Variants in ANXA8 observed in about 807,000 individuals in gnomAD.
The protein encoded by ANXA8 is annexin A8.
In ANXA8, 9 loss-of-function variants were observed where a neutral mutation model predicts 26.8. That is an observed-to-expected ratio of 0.34 (90% CI 0.20 to 0.59). The LOEUF (loss-of-function observed/expected upper bound fraction) is 0.59, where lower values mean the gene tolerates loss of function less well. Among genes scored for constraint, ANXA8 ranks in the 20% least tolerant of loss-of-function variants. The probability of loss-of-function intolerance (pLI) is 0.84; values close to 1 mark genes in which losing one functional copy is unlikely to be tolerated. For synonymous variants in ANXA8, 39 were observed against 94.8 expected, an observed-to-expected ratio of 0.41 and a Z score of 3.42; for missense variants, 83 against 238.5, an observed-to-expected ratio of 0.35 and a Z score of 4.29.
At chr10:47,986,631 G>T in the ANXA8 span, 1 of 365,988 alleles carries the variant, frequency 2.7e-6, no homozygotes, top group South Asian at 2.0e-5. Context: ...GAAACAGACT[G>T]CTCAGCTGTT....
the ANXA8 span, among the ~76,000 whole-genome samples, chr10:47,617,411 T>C: frequency 1.7e-3 from 242 of 141,214 alleles, no homozygotes; most frequent in African/African-American, 6.3e-3. Context: ...ACGACTTTTC[T>C]TATGTGTGCT....
At chr10:47,559,417 C>G in the ANXA8 span, among the ~76,000 whole-genome samples, 4 of 151,744 alleles carry the variant, frequency 2.6e-5, no homozygotes, top group Admixed American at 2.0e-4. Context: ...CGTGAGCCAC[C>G]ACATCCAGCC....
chr10:47,744,020 G>A, the ANXA8 span, among the ~76,000 whole-genome samples: 24 of 147,346 alleles, frequency 1.6e-4, no homozygotes, highest in Admixed American at 4.7e-4. Flanking sequence ...GGTAGGGAGA[G>A]ACGTGCGGGG....
the ANXA8 span, among the ~76,000 whole-genome samples, chr10:47,697,105 A>AT: frequency 2.6e-5 from 4 of 152,138 alleles, no homozygotes; most frequent in South Asian, 6.2e-4. Flanking sequence ...ATAAAATGAC[A>AT]TAAAAAAAAG....
chr10:47,489,007 C>A (rs1305047660), upstream of ANXA8, among the ~76,000 whole-genome samples: 30,588 of 132,752 alleles, frequency 0.23, 3,384 homozygotes, highest in East Asian at 0.54. Context: ...GAGCCACCGC[C>A]CCCAGCAATT....
At chr10:47,684,640 C>A in the ANXA8 span, among the ~76,000 whole-genome samples, 4 of 151,932 alleles carry the variant, frequency 2.6e-5, 1 homozygote, top group African/African-American at 9.7e-5. Context: ...GGCTGGAGGG[C>A]AGTGGCCCGA....
chr10:47,683,915 A>T, the ANXA8 span, among the ~76,000 whole-genome samples: 1 of 151,708 alleles, frequency 6.6e-6, no homozygotes, highest in Non-Finnish European at 1.5e-5. Context: ...TCTTTTAATG[A>T]TACATGTTTT....
the ANXA8 span, among the ~76,000 whole-genome samples, chr10:47,898,995 A>G: frequency 1.3e-5 from 2 of 149,486 alleles, no homozygotes; most frequent in African/African-American, 4.9e-5. Context: ...CACAATGATC[A>G]GCTAATTTTT....
chr10:47,675,033 C>T, the ANXA8 span, among the ~76,000 whole-genome samples: 1 of 144,128 alleles, frequency 6.9e-6, no homozygotes, highest in Non-Finnish European at 1.5e-5. Flanking sequence ...GCCATTTCTC[C>T]ATGGAGCCTT....
the ANXA8 span, chr10:47,760,661 T>G: frequency 1.6e-6 from 1 of 633,256 alleles, no homozygotes; most frequent in Non-Finnish European, 2.7e-6. Context: ...CCAGAAAGAG[T>G]GGTCCCTGGG....
the ANXA8 span, among the ~76,000 whole-genome samples, chr10:47,735,052 A>T: frequency 6.7e-6 from 1 of 149,344 alleles, no homozygotes; most frequent in South Asian, 2.1e-4. Flanking sequence ...CTTAAAAAAA[A>T]AACGTTTTCC....
At chr10:47,610,622 A>G in the ANXA8 span, among the ~76,000 whole-genome samples, 135 of 139,650 alleles carry the variant, frequency 9.7e-4, no homozygotes, top group Admixed American at 8.6e-3. Flanking sequence ...TAGGGGAGGA[A>G]TTGTTAATTC....
At chr10:47,576,360 G>A in the ANXA8 span, among the ~76,000 whole-genome samples, 24 of 138,558 alleles carry the variant, frequency 1.7e-4, no homozygotes, top group African/African-American at 5.8e-4. Context: ...TTTTAATCTT[G>A]AGAAAGCATA....
the ANXA8 span, among the ~76,000 whole-genome samples, chr10:47,561,444 C>T: frequency 9.4e-4 from 143 of 151,926 alleles, 1 homozygote; most frequent in East Asian, 0.023. Context: ...ATTCACCATG[C>T]TGTGCAATTT....
the ANXA8 span, chr10:47,581,242 C>T: frequency 7.7e-4 from 350 of 453,042 alleles, 8 homozygotes; most frequent in Admixed American, 1.2e-3. Context: ...CGTAGCCTTT[C>T]TCTCTCCAGT....
chr10:47,537,698 AAAC>A, the ANXA8 span, among the ~76,000 whole-genome samples: 1 of 128,508 alleles, frequency 7.8e-6, no homozygotes, highest in Non-Finnish European at 1.6e-5. Context: ...ACTGCAGGAC[AAAC>A]AACAGGCTGC....
Position 47,474,404 on chromosome 10 carries a change from A to AT in ANXA8, c.553-7dup. 3 of 1,413,008 alleles carry AT rather than the reference A, an allele frequency of 2.1e-6. No homozygotes were observed. Among genetic ancestry groups the AT allele is most frequent in the Non-Finnish European group, 2.8e-6 (3 of 1,062,292 alleles). The allele number at this position is 1,413,008 out of a possible 1,614,324, so 87.5% of individuals were successfully genotyped here. Reference sequence around the variant, plus strand: ...TCGCCTGCCGCATACAGATCCTAGCATTGGGACACCCACAATAAGCCAGTG... The same window carrying AT: ...TCGCCTGCCGCATACAGATCCTAGCATTTGGGACACCCACAATAAGCCAGTG... On this transcript the variant is annotated splice_region_variant and splice_polypyrimidine_tract_variant and intron_variant, in intron 7 of 11. Transcript: ENST00000585281.
chr10:47,633,749 C>G, the ANXA8 span, among the ~76,000 whole-genome samples: 2 of 148,480 alleles, frequency 1.3e-5, no homozygotes, highest in Non-Finnish European at 2.9e-5. Flanking sequence ...TTTAAAGGCC[C>G]TAAACTTCCA....
the ANXA8 span, among the ~76,000 whole-genome samples, chr10:47,552,559 G>A: frequency 6.6e-6 from 1 of 152,052 alleles, no homozygotes; most frequent in South Asian, 2.1e-4. Context: ...TTGAAAAATA[G>A]CAATATCTGT....
Sources: allele counts gnomAD v4.1 joint callset (sites outside exome capture counted in the v4.1 genomes callset), GRCh38; gene constraint gnomAD v4.1.1; transcripts MANE v1.5; gene names NCBI Gene and HGNC (gene_info 2026-07-23, HGNC 2026-07-21).